The following DOCK7 variants were observed in gnomAD, a reference collection of about 807,000 sequenced individuals.
The protein encoded by DOCK7 is dedicator of cytokinesis 7.
In DOCK7, 138 loss-of-function variants were observed where a neutral mutation model predicts 271.0. That is an observed-to-expected ratio of 0.51 (90% CI 0.44 to 0.59). The LOEUF is 0.59. Ranked by LOEUF, DOCK7 falls within the 20% of genes least tolerant of loss-of-function variation. The pLI is 0.00. For synonymous variants in DOCK7, 823 were observed against 876.1 expected (o/e 0.94, Z 1.07); for missense variants, 2,066 against 2,592.4 (o/e 0.80, Z 4.41).
intron 14 of DOCK7, among the ~76,000 whole-genome samples, chr1:62,617,252 C>T (rs1396944677): frequency 1.3e-5 from 2 of 151,884 alleles, no homozygotes; most frequent in Non-Finnish European, 2.9e-5. Flanking sequence ...AGAGGTTTTA[C>T]AGAGAGTTTT....
Position 62,455,299 on chromosome 1 carries a change from C to T in DOCK7, c.*115G>A, listed in dbSNP as rs1394493495. 3 of 1,150,306 alleles carry T rather than the reference C, an allele frequency of 2.6e-6. No homozygotes were observed. Among genetic ancestry groups the T allele is most frequent in the Non-Finnish European group, 3.8e-6 (3 of 779,838 alleles). The allele number at this position is 1,150,306 out of a possible 1,614,324, so 71.3% of individuals were successfully genotyped here. On this transcript the variant is annotated 3_prime_UTR_variant, in exon 50 of 50. Coordinates refer to ENST00000635253, the MANE Select transcript of DOCK7 (RefSeq NM_001367561.1). ...TTGATATTTTCTTGGCCACTGCATTCTTCAATGAATAATAATTTCCAGAAT... is the reference window on the plus strand; with the variant it reads ...TTGATATTTTCTTGGCCACTGCATTTTTCAATGAATAATAATTTCCAGAAT...
chr1:62,612,831 GTC>G (rs1651959949), intron 14 of DOCK7, among the ~76,000 whole-genome samples: 1 of 152,080 alleles, frequency 6.6e-6, no homozygotes, highest in Non-Finnish European at 1.5e-5. Context: ...GCTAGATATA[GTC>G]TTTCAAAAAT....
At position 62,635,859 on chromosome 1, in the gene DOCK7, C is replaced by G. The variant is rs373388759; in HGVS notation, c.885+678G>C. 1.1e-4 allele frequency among the ~76,000 whole-genome samples: 16 copies of G among 152,136 alleles called. No individual in the cohort carries two copies. In the East Asian group the frequency reaches 1.7e-3, roughly 17 times the overall value. On this transcript the variant is annotated intron_variant, in intron 8 of 49. Transcript: ENST00000635253. The stretch of plus-strand genomic sequence containing the variant: ...TGAACTCCTGGCCTCAAGCAATTCT[C>G]CCACTTTGGCCTGCCAAAGTGCTGC...
chr1:62,654,104 T>G lies in DOCK7; in HGVS notation c.200A>C (p.His67Pro). The G allele has an allele frequency of 6.2e-7, 1 of 1,613,968 alleles. No individual in the cohort carries two copies. The highest frequency in any genetic ancestry group is 8.5e-7 in the Non-Finnish European group (1 of 1,179,904). The change falls in exon 3 of 50, where the codon CAT becomes CCT. Residue 67 changes from histidine (H) to proline (P), a missense_variant. Coordinates refer to ENST00000635253, the MANE Select transcript of DOCK7 (RefSeq NM_001367561.1). ...AGGCCCAGAATCCACAGCCAAAGGA[T>G]GAGTAATGAGGTAATCTTCCAAATC... ...PVDLEDYLIT[H>P]PLAVDSGPLR...
At chr1:62,626,230 G>C (rs1653938021) in intron 11 of DOCK7, among the ~76,000 whole-genome samples, 1 of 152,124 alleles carries the variant, frequency 6.6e-6, no homozygotes, top group Admixed American at 6.5e-5. Context: ...TGCTAAAGCA[G>C]TGCTCGGGGG....
At chr1:62,572,167 G>A (rs577380834) in intron 18 of DOCK7, among the ~76,000 whole-genome samples, 48 of 152,238 alleles carry the variant, frequency 3.2e-4, no homozygotes, top group African/African-American at 1.1e-3. Context: ...AACCTAGATC[G>A]GCTGTCACAA....
At chr1:62,566,246 A>G (rs1646510568) in intron 18 of DOCK7, among the ~76,000 whole-genome samples, 2 of 152,100 alleles carry the variant, frequency 1.3e-5, no homozygotes, top group South Asian at 4.1e-4. Context: ...CAAGACAATC[A>G]TAAGCAAAAA....
At chr1:62,637,334 A>G (rs903389255) in intron 7 of DOCK7, among the ~76,000 whole-genome samples, 4 of 152,236 alleles carry the variant, frequency 2.6e-5, no homozygotes, top group African/African-American at 9.6e-5. Flanking sequence ...AACATCTAGT[A>G]AATATTTGTT....
At position 62,648,174 on chromosome 1, in the gene DOCK7, G is replaced by A. The variant is rs767570423; in HGVS notation, c.664C>T (p.Gln222Ter). The A allele has an allele frequency of 6.2e-7, 1 of 1,613,576 alleles. No individual in the cohort carries two copies. Among genetic ancestry groups the A allele is most frequent in the Non-Finnish European group, 8.5e-7 (1 of 1,179,732 alleles). Residue 222 changes from glutamine (Q) to a stop codon, truncating the protein, a stop_gained, in exon 6 of 50, where the codon CAG becomes TAG. Coordinates refer to ENST00000635253, the MANE Select transcript of DOCK7 (RefSeq NM_001367561.1). LOFTEE classifies it high-confidence loss of function. ...DRTPNEEIDR[Q>*]NDDQRKSNRH... ...TTTGATTTCCTTTGGTCATCATTCT[G>A]ACGGTCTATTTCTTCATTTGGAGTT... is the stretch of plus-strand genomic sequence containing the variant.
chr1:62,554,124 T>C (rs1646054510), intron 21 of DOCK7, among the ~76,000 whole-genome samples: 1 of 152,186 alleles, frequency 6.6e-6, no homozygotes. Context: ...CAAAATAGTA[T>C]CTTTATGATA....
intron 44 of DOCK7, 106 bp downstream of exon 44, chr1:62,477,594 T>C (rs1646003815): frequency 1.6e-6 from 2 of 1,274,120 alleles, no homozygotes; most frequent in Non-Finnish European, 2.1e-6. Flanking sequence ...AGTAGTTTAC[T>C]TGGCAAGATC....
chr1:62,489,065 C>A lies in DOCK7; in HGVS notation c.5362G>T (p.Ala1788Ser). 6.5e-7 allele frequency: 1 copy of A among 1,548,648 alleles called. No homozygotes were observed. Among genetic ancestry groups the A allele is most frequent in the South Asian group, 1.2e-5 (1 of 81,892 alleles). ...LEQAAASFSM[A>S]GMYEAVNEVY... Reference sequence around the variant, plus strand: ...TCATTAACTGCTTCATACATGCCAGCCTATAAGAAAAAATTTTGTTAAGAT... The same window carrying A: ...TCATTAACTGCTTCATACATGCCAGACTATAAGAAAAAATTTTGTTAAGAT... Residue 1788 changes from alanine to serine, a missense_variant and splice_region_variant, in exon 42 of 50, where the codon GCT becomes TCT. Physicochemically the swap from Ala to Ser is moderately conservative, Grantham distance 99. Transcript: ENST00000635253.
intron 16 of DOCK7, among the ~76,000 whole-genome samples, chr1:62,582,278 C>T (rs796413687): frequency 2.6e-4 from 40 of 152,120 alleles, no homozygotes; most frequent in African/African-American, 9.4e-4. Context: ...AGGCCGGGCG[C>T]GGTGGCTCAC....
chr1:62,476,873 A>G (rs1222599972), intron 44 of DOCK7: 1 of 152,224 alleles, frequency 6.6e-6, no homozygotes, highest in Non-Finnish European at 1.5e-5. Flanking sequence ...GAAAAATAAA[A>G]AGTCACAGTT....
At chr1:62,581,797 G>T (rs575432175) in intron 16 of DOCK7, among the ~76,000 whole-genome samples, 46 of 152,050 alleles carry the variant, frequency 3.0e-4, no homozygotes, top group South Asian at 8.3e-4. Context: ...TCAAGACAAG[G>T]CCACAATATA....
At chr1:62,579,695 G>GAAAAAAAAA (rs34924913) in intron 16 of DOCK7, among the ~76,000 whole-genome samples, 2 of 63,888 alleles carry the variant, frequency 3.1e-5, no homozygotes, top group African/African-American at 6.1e-5. Context: ...GAGTGAGACC[G>GAAAAAAAAA]AAAAAAAAAA....
chr1:62,468,877 C>T (rs997162849), intron 48 of DOCK7, among the ~76,000 whole-genome samples: 1 of 151,650 alleles, frequency 6.6e-6, no homozygotes, highest in African/African-American at 2.4e-5. Context: ...AGGTGAAAGA[C>T]CTCTACAAGG....
intron 42 of DOCK7, 100 bp downstream of exon 42, chr1:62,488,834 G>T: frequency 6.8e-7 from 1 of 1,460,380 alleles, no homozygotes; most frequent in Non-Finnish European, 9.6e-7. Flanking sequence ...GATTAAAATG[G>T]TCATTTCACG....
intron 28 of DOCK7, among the ~76,000 whole-genome samples, chr1:62,537,620 A>G (rs1645390558): frequency 6.6e-6 from 1 of 151,956 alleles, no homozygotes; most frequent in Admixed American, 6.6e-5. Flanking sequence ...TGGGCTCTAA[A>G]ATAAAGCCTT....
Sources: allele counts gnomAD v4.1 joint callset (sites outside exome capture counted in the v4.1 genomes callset), GRCh38; gene constraint gnomAD v4.1.1; transcripts MANE v1.5; gene names NCBI Gene and HGNC (gene_info 2026-07-23, HGNC 2026-07-21).